NBAS: variants seen among roughly 807,000 people sequenced by gnomAD.
NBAS encodes the protein NBAS subunit of NRZ tethering complex, also known as NAG/BC035112 fusion.
NBAS carries 219 observed loss-of-function variants against 302.5 expected under a neutral mutation model. The ratio of observed to expected loss-of-function variants is 0.72; its 90% CI spans 0.65 to 0.81. The LOEUF (loss-of-function observed/expected upper bound fraction) is 0.81. NBAS is among the 30% of genes least tolerant of loss of function. The probability of loss-of-function intolerance (pLI) is 0.00; values close to 1 mark genes in which losing one functional copy is unlikely to be tolerated. For missense variants in NBAS, 2,932 were observed against 2,841.6 expected (o/e 1.03, Z -0.72); for synonymous variants, 1,118 against 1,021.6 (o/e 1.09, Z -1.80).
chr2:14,972,501 T>C, the NBAS span, among the ~76,000 whole-genome samples: 1 of 152,202 alleles, frequency 6.6e-6, no homozygotes, highest in Admixed American at 6.5e-5. Context: ...AGGCAGATCA[T>C]ACACAAAGAT....
chr2:14,933,826 C>A, the NBAS span, among the ~76,000 whole-genome samples: 1 of 152,138 alleles, frequency 6.6e-6, no homozygotes, highest in African/African-American at 2.4e-5. Context: ...ACCTTATAAC[C>A]AGCCTTTCAT....
intron 48 of NBAS, among the ~76,000 whole-genome samples, chr2:15,208,116 T>C (rs939347912): frequency 2.0e-5 from 3 of 152,180 alleles, no homozygotes; most frequent in Non-Finnish European, 2.9e-5. Flanking sequence ...GACATACCCA[T>C]GACTGAATAA....
Position 15,356,428 on chromosome 2 carries a change from A to G in NBAS, c.3818-12T>C. The G allele has an allele frequency of 1.3e-6, 2 of 1,578,080 alleles. No homozygotes were observed. The highest frequency in any genetic ancestry group is 1.7e-6 in the Non-Finnish European group (2 of 1,147,332). Reference sequence around the variant, plus strand: ...TTCTGGGTTCTCACCTGTAAGTCCAAGCAAAGGACTTAATGATTATGACAA... The same window carrying G: ...TTCTGGGTTCTCACCTGTAAGTCCAGGCAAAGGACTTAATGATTATGACAA... On this transcript the variant is annotated splice_polypyrimidine_tract_variant and intron_variant, in intron 32 of 51. Transcript: ENST00000281513.
At chr2:15,098,285 A>ATATACTGTGTATAC in the NBAS span, among the ~76,000 whole-genome samples, 2 of 5,308 alleles carry the variant, frequency 3.8e-4, 1 homozygote, top group African/African-American at 2.3e-3. Flanking sequence ...ATTATATAAT[A>ATATACTGTGTATAC]TATATTATAT....
intron 44 of NBAS, among the ~76,000 whole-genome samples, chr2:15,250,133 A>G (rs1469664966): frequency 6.6e-6 from 1 of 152,024 alleles, no homozygotes; most frequent in Non-Finnish European, 1.5e-5. Context: ...CAATGGAACA[A>G]AACAGAGGCC....
chr2:15,543,180 G>A (rs1169064995), intron 6 of NBAS, among the ~76,000 whole-genome samples: 3 of 152,116 alleles, frequency 2.0e-5, no homozygotes, highest in Non-Finnish European at 2.9e-5. Context: ...TATACCCCCC[G>A]ACTCATATTT....
chr2:15,328,417 C>T, intron 36 of NBAS, 105 bp from the exon 37 acceptor site: 1 of 973,554 alleles, frequency 1.0e-6, no homozygotes, highest in Non-Finnish European at 1.6e-6. Context: ...GAAGAAAAGG[C>T]TGATTTCAAA....
chr2:14,940,839 A>G, the NBAS span, among the ~76,000 whole-genome samples: 3 of 152,166 alleles, frequency 2.0e-5, no homozygotes, highest in African/African-American at 7.2e-5. Flanking sequence ...TCATACACAT[A>G]TCTCCATTCT....
In NBAS at chr2:15,475,767, A is replaced by C; in HGVS notation, c.1261T>G (p.Leu421Val). Residue 421 changes from leucine (L) to valine (V), a missense_variant, in exon 14 of 52, where the codon TTA (leucine) becomes GTA (valine). Physicochemically the swap from Leu to Val is conservative, Grantham distance 32. Coordinates refer to ENST00000281513, the MANE Select transcript of NBAS (RefSeq NM_015909.4). ...AACCATTCACAGGATTTTCCCAGTA[A>C]ATTCTTCAAAGTTTTCACAGATGAA... ...TVSSVKTLKNLLGKSCEWFEP... is the reference protein window; with the variant it reads ...TVSSVKTLKNVLGKSCEWFEP... The C allele has an allele frequency of 6.2e-7, 1 of 1,614,156 alleles. No homozygotes were observed.
chr2:15,161,830 G>GT, the NBAS span, among the ~76,000 whole-genome samples: 1 of 152,184 alleles, frequency 6.6e-6, no homozygotes, highest in Non-Finnish European at 1.5e-5. Context: ...AGCAGCTCAG[G>GT]TGTAGTAGGG....
At chr2:15,525,675 T>C (rs1662882192) in intron 9 of NBAS, among the ~76,000 whole-genome samples, 1 of 152,206 alleles carries the variant, frequency 6.6e-6, no homozygotes, top group African/African-American at 2.4e-5. Context: ...CTCTGCCTTT[T>C]GACTTTGTTG....
At chr2:15,073,080 C>A in the NBAS span, among the ~76,000 whole-genome samples, 1 of 152,130 alleles carries the variant, frequency 6.6e-6, no homozygotes, top group African/African-American at 2.4e-5. Flanking sequence ...GCTGAGATCG[C>A]ACTGCTGCAC....
intron 51 of NBAS, among the ~76,000 whole-genome samples, chr2:15,175,472 G>GA (rs773323540): frequency 1.3e-5 from 2 of 152,176 alleles, no homozygotes; most frequent in Non-Finnish European, 2.9e-5. Flanking sequence ...TTACTTTGAT[G>GA]AAACAAGTCA....
At chr2:15,466,440 T>C (rs1347482610) in intron 19 of NBAS, among the ~76,000 whole-genome samples, 9 of 152,202 alleles carry the variant, frequency 5.9e-5, no homozygotes, top group Non-Finnish European at 1.2e-4. Context: ...ATTACTGAAA[T>C]GTGGCTGACT....
chr2:15,046,371 A>G, the NBAS span, among the ~76,000 whole-genome samples: 1 of 152,232 alleles, frequency 6.6e-6, no homozygotes, highest in Non-Finnish European at 1.5e-5. Flanking sequence ...AATATAAAAA[A>G]TCTCTCAATA....
chr2:14,933,510 A>T, the NBAS span, among the ~76,000 whole-genome samples: 6 of 152,216 alleles, frequency 3.9e-5, no homozygotes, highest in African/African-American at 1.4e-4. Flanking sequence ...ACAGAGATTA[A>T]TCTTCCACTC....
At chr2:15,362,574 C>T (rs1673987236) in intron 32 of NBAS, among the ~76,000 whole-genome samples, 1 of 152,104 alleles carries the variant, frequency 6.6e-6, no homozygotes, top group African/African-American at 2.4e-5. Flanking sequence ...ATTAGAATAA[C>T]ACACTCATGA....
the NBAS span, among the ~76,000 whole-genome samples, chr2:14,828,233 G>A: frequency 6.6e-6 from 1 of 152,124 alleles, no homozygotes; most frequent in African/African-American, 2.4e-5. Context: ...AGAATGTGAT[G>A]TGCGTATGGA....
the NBAS span, among the ~76,000 whole-genome samples, chr2:15,110,589 C>T: frequency 6.6e-6 from 1 of 152,124 alleles, no homozygotes; most frequent in Non-Finnish European, 1.5e-5. Flanking sequence ...TGAGAATCTA[C>T]ATGCCAAATA....
Sources: gnomAD v4.1 joint callset for allele counts (sites outside exome capture counted in the v4.1 genomes callset) on GRCh38, gnomAD v4.1.1 for gene constraint, MANE v1.5 for transcripts, NCBI Gene and HGNC (gene_info 2026-07-23, HGNC 2026-07-21) for gene names.